Variants in CSMD3 observed in about 807,000 individuals in gnomAD.
CSMD3 encodes the protein CUB and sushi domain-containing protein 3.
Under a neutral mutation model 435.2 loss-of-function variants are expected in CSMD3, and 177 were observed. The observed-to-expected ratio is 0.41, with a 90% CI of 0.36 to 0.46. CSMD3 has a LOEUF of 0.46. Among genes scored for constraint, CSMD3 ranks in the 20% least tolerant of loss-of-function variants. The pLI is 0.34. For synonymous variants in CSMD3, 1,656 were observed against 1,520.5 expected (o/e 1.09, Z -2.07); for missense variants, 4,265 against 4,504.6 (o/e 0.95, Z 1.52).
chr8:112,242,170 G>C (rs977432535), intron 65 of CSMD3, among the ~76,000 whole-genome samples: 1 of 152,050 alleles, frequency 6.6e-6, no homozygotes, highest in Non-Finnish European at 1.5e-5. Context: ...TATTTGGGTA[G>C]GGTTTACATT....
chr8:112,303,102 G>A (rs1055468197), intron 52 of CSMD3, among the ~76,000 whole-genome samples: 2 of 151,988 alleles, frequency 1.3e-5, no homozygotes, highest in Non-Finnish European at 2.9e-5. Context: ...TTAAATGAGT[G>A]TTTCTGTTGT....
At chr8:113,311,892 T>C (rs2093872165) in intron 2 of CSMD3, 1 of 152,156 alleles carries the variant, frequency 6.6e-6, no homozygotes, top group Non-Finnish European at 1.5e-5. Flanking sequence ...TATAGTCTTG[T>C]CATTTTGCTT....
intron 6 of CSMD3, among the ~76,000 whole-genome samples, chr8:113,002,288 ATAAGAAATCTTATAAAAGAT>A (rs2085893403): frequency 6.6e-6 from 1 of 152,152 alleles, no homozygotes; most frequent in Non-Finnish European, 1.5e-5. Context: ...TGCACTCATA[ATAAGAAATCTTATAAAAGAT>A]TCCAGCACTC....
At chr8:112,952,701 T>C (rs904741367) in intron 8 of CSMD3, among the ~76,000 whole-genome samples, 1 of 151,448 alleles carries the variant, frequency 6.6e-6, no homozygotes, top group African/African-American at 2.4e-5. Flanking sequence ...GAATTACTTA[T>C]CTTCAAAAAA....
intron 13 of CSMD3, among the ~76,000 whole-genome samples, chr8:112,799,588 T>C (rs957242024): frequency 6.6e-6 from 1 of 152,032 alleles, no homozygotes; most frequent in Non-Finnish European, 1.5e-5. Flanking sequence ...GGAAGATATC[T>C]ATGACCTCAC....
intron 10 of CSMD3, among the ~76,000 whole-genome samples, chr8:112,891,730 A>G (rs1173778845): frequency 6.6e-6 from 1 of 151,580 alleles, no homozygotes; most frequent in African/African-American, 2.4e-5. Flanking sequence ...AACTGTATAA[A>G]ATGGGTTTAT....
chr8:113,189,064 T>C (rs956814914), intron 3 of CSMD3, among the ~76,000 whole-genome samples: 10 of 151,846 alleles, frequency 6.6e-5, no homozygotes, highest in African/African-American at 2.4e-4. Flanking sequence ...TCAAACCACA[T>C]TACATTTAAC....
chr8:112,653,189 C>A (rs532045937), intron 18 of CSMD3, among the ~76,000 whole-genome samples: 168 of 152,286 alleles, frequency 1.1e-3, no homozygotes, highest in African/African-American at 3.9e-3. Flanking sequence ...TATCAAATGA[C>A]ATTAACATGT....
chr8:113,262,186 T>G (rs551004287), intron 3 of CSMD3, among the ~76,000 whole-genome samples: 4 of 152,084 alleles, frequency 2.6e-5, no homozygotes, highest in African/African-American at 9.7e-5. Context: ...GAAATGTTTG[T>G]AACCTATAAG....
chr8:113,093,962 C>A (rs181545477), intron 5 of CSMD3, among the ~76,000 whole-genome samples: 2 of 152,062 alleles, frequency 1.3e-5, no homozygotes, highest in Admixed American at 1.3e-4. Flanking sequence ...TTTTTAATGA[C>A]TTAAAAATTC....
intron 12 of CSMD3, among the ~76,000 whole-genome samples, chr8:112,815,920 A>T (rs2079362872): frequency 6.6e-6 from 1 of 152,120 alleles, no homozygotes; most frequent in South Asian, 2.1e-4. Flanking sequence ...GCGTTCCAAG[A>T]GCATATATTT....
At chr8:112,272,501 A>T (rs569711336) in intron 59 of CSMD3, among the ~76,000 whole-genome samples, 1 of 152,250 alleles carries the variant, frequency 6.6e-6, no homozygotes, top group African/African-American at 2.4e-5. Context: ...TTTACACTTG[A>T]AATTAGCCTT....
chr8:113,261,753 C>A (rs553536378), intron 3 of CSMD3, among the ~76,000 whole-genome samples: 1 of 152,158 alleles, frequency 6.6e-6, no homozygotes, highest in South Asian at 2.1e-4. Context: ...AATATTGTTC[C>A]TTTTGACCAA....
chr8:112,814,548 C>T lies in CSMD3; in HGVS notation c.1860-14274G>A, dbSNP rs147627679. ...CTGTAATCCCAGCACTTTGGGAGAC[C>T]GAGGTGAGTGGATCACCTGAAGACA... On this transcript the variant is annotated intron_variant, in intron 12 of 70. Transcript: ENST00000297405. 5.3e-3 allele frequency among the ~76,000 whole-genome samples: 806 copies of T among 152,118 alleles called. 15 individuals are homozygous for T. The highest frequency in any genetic ancestry group is 0.019 in the African/African-American group (773 of 41,514).
chr8:112,745,182 A>C (rs1296256808), intron 13 of CSMD3, among the ~76,000 whole-genome samples: 1 of 152,068 alleles, frequency 6.6e-6, no homozygotes, highest in African/African-American at 2.4e-5. Context: ...GTGTGTACTT[A>C]ACACTGTTGA....
Position 113,352,115 on chromosome 8 carries a change from G to A in CSMD3, c.179-37322C>T, listed in dbSNP as rs142302284. ...TACACAATATCACTTGCAGAAGGTT[G>A]AATAATGGCCATTCTGAGATCTACT... is the stretch of plus-strand genomic sequence containing the variant. On this transcript the variant is annotated intron_variant, in intron 1 of 70. Transcript: ENST00000297405. Among the ~76,000 whole-genome samples, 4 of 152,168 alleles carry A rather than the reference G, an allele frequency of 2.6e-5. No individual in the cohort carries two copies. In the East Asian group the frequency reaches 7.7e-4, roughly 29 times the overall value.
chr8:113,058,109 T>C (rs2088431667), intron 5 of CSMD3, among the ~76,000 whole-genome samples: 1 of 151,930 alleles, frequency 6.6e-6, no homozygotes, highest in African/African-American at 2.4e-5. Flanking sequence ...TGGAAATATT[T>C]TAATTGAAAT....
intron 4 of CSMD3, among the ~76,000 whole-genome samples, chr8:113,113,826 T>C (rs1564330608): frequency 6.6e-6 from 1 of 152,180 alleles, no homozygotes; most frequent in African/African-American, 2.4e-5. Flanking sequence ...TTCTTTGAAA[T>C]GAACACAATT....
At chr8:112,455,202 T>C (rs1816705906) in intron 32 of CSMD3, among the ~76,000 whole-genome samples, 1 of 152,152 alleles carries the variant, frequency 6.6e-6, no homozygotes, top group Non-Finnish European at 1.5e-5. Flanking sequence ...TGGTCATCAA[T>C]GGTGGACCAA....
Sources: allele counts gnomAD v4.1 joint callset (sites outside exome capture counted in the v4.1 genomes callset), GRCh38; gene constraint gnomAD v4.1.1; transcripts MANE v1.5; gene names NCBI Gene and HGNC (gene_info 2026-07-23, HGNC 2026-07-21).